Variants in FAF1 observed in about 807,000 individuals in gnomAD.
FAF1 encodes the protein Fas associated factor 1.
A neutral mutation model predicts 92.5 loss-of-function variants in FAF1; 25 were observed. The ratio of observed to expected loss-of-function variants is 0.27; its 90% confidence interval spans 0.20 to 0.38. The LOEUF is 0.38. Among genes scored for constraint, FAF1 ranks in the 10% least tolerant of loss-of-function variants. The probability of loss-of-function intolerance (pLI) is 1.00; values close to 1 mark genes in which losing one functional copy is unlikely to be tolerated. For synonymous variants in FAF1, 234 were observed against 273.2 expected, an observed-to-expected ratio of 0.86 and a Z score of 1.42; for missense variants, 636 against 793.3, an observed-to-expected ratio of 0.80 and a Z score of 2.38.
At chr1:50,791,138 A>G (rs1661547760) in intron 3 of FAF1, among the ~76,000 whole-genome samples, 1 of 152,220 alleles carries the variant, frequency 6.6e-6, no homozygotes, top group Admixed American at 6.5e-5. Flanking sequence ...ATTCAAAGAA[A>G]GTAATCTTGT....
intron 1 of FAF1, among the ~76,000 whole-genome samples, chr1:50,888,229 A>C (rs1324561318): frequency 6.6e-6 from 1 of 152,180 alleles, no homozygotes; most frequent in African/African-American, 2.4e-5. Context: ...TTGATTTTGT[A>C]TCCTGAGACT....
At chr1:50,604,085 A>T (rs1652268195) in intron 8 of FAF1, among the ~76,000 whole-genome samples, 1 of 152,218 alleles carries the variant, frequency 6.6e-6, no homozygotes, top group Non-Finnish European at 1.5e-5. Flanking sequence ...GCTGGAAGAA[A>T]CAAGGATGGC....
chr1:50,801,525 T>A (rs572043081), intron 3 of FAF1, 106 bp downstream of exon 3: 70 of 640,592 alleles, frequency 1.1e-4, no homozygotes, highest in Non-Finnish European at 1.7e-4. Context: ...TGAACTTATA[T>A]ACCCCAAATC....
chr1:50,816,592 G>C (rs745512994), intron 2 of FAF1, among the ~76,000 whole-genome samples: 1 of 151,992 alleles, frequency 6.6e-6, no homozygotes, highest in African/African-American at 2.4e-5. Context: ...GCCTTTGTCA[G>C]GTGCATATGT....
chr1:50,536,765 T>C lies in FAF1; in HGVS notation c.1406-1308A>G, dbSNP rs552346605. Among the ~76,000 whole-genome samples, 11 of 152,258 alleles carry C rather than the reference T, an allele frequency of 7.2e-5. No individual in the cohort carries two copies. The South Asian group carries it at 2.3e-3, about 32-fold the overall frequency. On this transcript the variant is annotated intron_variant, in intron 14 of 18. Transcript: ENST00000396153. Reference sequence around the variant, plus strand: ...TGGAAATTGGCACATGACAAAGGCTTTAATGAATATTTATTCAATAAATAA... The same window carrying C: ...TGGAAATTGGCACATGACAAAGGCTCTAATGAATATTTATTCAATAAATAA...
At chr1:50,941,822 C>T (rs2124754338) in intron 1 of FAF1, among the ~76,000 whole-genome samples, 1 of 152,332 alleles carries the variant, frequency 6.6e-6, no homozygotes. Context: ...TACCTCCTTA[C>T]AATGTCTTTG....
chr1:50,576,926 C>T (rs1650773927), intron 12 of FAF1, among the ~76,000 whole-genome samples: 1 of 151,564 alleles, frequency 6.6e-6, no homozygotes, highest in Non-Finnish European at 1.5e-5. Context: ...CTTGGCCCCT[C>T]GAAGTGTTGG....
intron 6 of FAF1, among the ~76,000 whole-genome samples, chr1:50,734,300 T>A (rs1432594919): frequency 6.6e-6 from 1 of 152,178 alleles, no homozygotes; most frequent in Non-Finnish European, 1.5e-5. Context: ...TATAATCGAG[T>A]TCTCATTCTC....
intron 6 of FAF1, among the ~76,000 whole-genome samples, chr1:50,723,742 T>C (rs1439535500): frequency 6.6e-6 from 1 of 151,866 alleles, no homozygotes; most frequent in Admixed American, 6.6e-5. Context: ...CAAAACCCCA[T>C]CTCTTTTTTT....
intron 2 of FAF1, among the ~76,000 whole-genome samples, chr1:50,803,702 G>A (rs1662084734): frequency 6.6e-6 from 1 of 152,152 alleles, no homozygotes; most frequent in South Asian, 2.1e-4. Context: ...AAAGTAGCAA[G>A]ATGGGGAGGG....
intron 7 of FAF1, among the ~76,000 whole-genome samples, chr1:50,677,812 T>C (rs1656193395): frequency 6.7e-6 from 1 of 149,968 alleles, no homozygotes; most frequent in Admixed American, 6.7e-5. Context: ...GGAGAATCGC[T>C]TGAACCCAGG....
At chr1:50,547,061 G>A (rs548621318) in intron 13 of FAF1, among the ~76,000 whole-genome samples, 3 of 147,370 alleles carry the variant, frequency 2.0e-5, no homozygotes, top group Middle Eastern at 3.4e-3. Context: ...GATAATTTTC[G>A]TATTTTTTTT....
At chr1:50,524,298 T>C (rs1212154856) in intron 15 of FAF1, among the ~76,000 whole-genome samples, 1 of 152,256 alleles carries the variant, frequency 6.6e-6, no homozygotes, top group Non-Finnish European at 1.5e-5. Flanking sequence ...CTCTGTCAGA[T>C]GTACAGTTTG....
At chr1:50,586,474 T>C (rs1443488149) in intron 9 of FAF1, among the ~76,000 whole-genome samples, 1 of 152,214 alleles carries the variant, frequency 6.6e-6, no homozygotes, top group Non-Finnish European at 1.5e-5. Context: ...ACCCAAGCAT[T>C]AATGCAGAGA....
chr1:50,735,353 C>G (rs1431411898), intron 6 of FAF1, among the ~76,000 whole-genome samples: 1 of 152,134 alleles, frequency 6.6e-6, no homozygotes, highest in Non-Finnish European at 1.5e-5. Flanking sequence ...GCTTAAAATG[C>G]TTTTCAACTG....
At chr1:50,824,102 A>G (rs570516368) in intron 2 of FAF1, among the ~76,000 whole-genome samples, 1 of 152,324 alleles carries the variant, frequency 6.6e-6, no homozygotes, top group East Asian at 1.9e-4. Flanking sequence ...TCATTTCATA[A>G]AACAAGTATA....
At chr1:50,622,334 C>A (rs1392772579) in intron 8 of FAF1, among the ~76,000 whole-genome samples, 1 of 152,116 alleles carries the variant, frequency 6.6e-6, no homozygotes. Flanking sequence ...CAAGAACTAG[C>A]ACCAGCATTC....
At chr1:50,686,374 C>G (rs1456018870) in intron 7 of FAF1, among the ~76,000 whole-genome samples, 6 of 151,994 alleles carry the variant, frequency 3.9e-5, no homozygotes, top group Admixed American at 3.3e-4. Context: ...GAAACCCCGT[C>G]CCTACTAAAA....
intron 2 of FAF1, among the ~76,000 whole-genome samples, chr1:50,827,082 C>T (rs539885496): frequency 7.3e-5 from 11 of 151,144 alleles, no homozygotes; most frequent in East Asian, 2.0e-4. Context: ...AGGTGAGGAG[C>T]GCCTCTGCCC....
Sources: allele counts gnomAD v4.1 joint callset (sites outside exome capture counted in the v4.1 genomes callset), GRCh38; gene constraint gnomAD v4.1.1; transcripts MANE v1.5; gene names NCBI Gene and HGNC (gene_info 2026-07-23, HGNC 2026-07-21).